The following XIST variants were observed in gnomAD, a reference collection of about 807,000 sequenced individuals.
XIST encodes X inactive specific transcript.
chrX:73,826,324 T>A (rs772544183), exon 6 of XIST: 1 of 559,035 alleles, frequency 1.8e-6, no homozygotes, highest in Non-Finnish European at 3.2e-6. Context: ...TGAAATACAG[T>A]ATCACCTATA....
chrX:73,843,491 T>C (rs1922653329), exon 1 of XIST: 1 of 556,852 alleles, frequency 1.8e-6, no homozygotes, highest in Admixed American at 2.2e-5. Context: ...AATACAATTA[T>C]GACATTAATA....
Position 73,842,742 on chromosome X carries a change from T to A in XIST, n.9982A>T, listed in dbSNP as rs746619973. The A allele has an allele frequency of 7.2e-6, 4 of 556,221 alleles. No individual in the cohort carries two copies. In the Admixed American group the frequency reaches 8.9e-5, roughly 12 times the overall value. The allele number at this position is 556,221 out of a possible 1,213,427, so 45.8% of individuals were successfully genotyped here. The stretch of plus-strand genomic sequence containing the variant: ...GGACCAAGGAAAGTGCAACTGAGAA[T>A]TGTTTAAGTCCAAGAGAAAGGGCCT... On this transcript the variant is annotated non_coding_transcript_exon_variant, in exon 1 of 6. Transcript: ENST00000429829.
chrX:73,844,531 T>C (rs780817291), exon 1 of XIST: 1 of 557,475 alleles, frequency 1.8e-6, no homozygotes, highest in East Asian at 3.3e-5. Flanking sequence ...TGCACATAAA[T>C]TTCCAAGATG....
intron 1 of XIST, among the ~76,000 whole-genome samples, chrX:73,839,007 GTTTC>G (rs1421265371): frequency 6.3e-5 from 7 of 111,714 alleles, no homozygotes; most frequent in Non-Finnish European, 1.1e-4. Context: ...ATAATCATTA[GTTTC>G]TTTCTCTTTA....
intron 3 of XIST, among the ~76,000 whole-genome samples, chrX:73,832,199 T>A (rs1176098922): frequency 3.6e-5 from 4 of 110,985 alleles, no homozygotes; most frequent in Non-Finnish European, 7.6e-5. Flanking sequence ...CCTGGCGTGG[T>A]CGCGCATGCC....
exon 6 of XIST, chrX:73,825,995 T>G (rs1922242819): frequency 1.8e-6 from 1 of 558,977 alleles, no homozygotes; most frequent in African/African-American, 2.2e-5. Context: ...CACCAAATTA[T>G]TTGGCCACTA....
chrX:73,827,823 T>C (rs771552324), exon 6 of XIST: 1 of 529,974 alleles, frequency 1.9e-6, no homozygotes, highest in African/African-American at 2.3e-5. Context: ...ATGAGAGATA[T>C]GTCTAAGACA....
At chrX:73,826,678 C>T (rs1301811578) in exon 6 of XIST, 1 of 559,236 alleles carries the variant, frequency 1.8e-6, no homozygotes, top group East Asian at 3.2e-5. Context: ...CTTCAAGCTT[C>T]TATCCTTCCT....
At chrX:73,821,218 G>C (rs745551709) in exon 6 of XIST, 3 of 556,823 alleles carry the variant, frequency 5.4e-6, no homozygotes, top group Non-Finnish European at 9.7e-6. Flanking sequence ...TTCAACCCCA[G>C]ATTATCTTCA....
Position 73,822,008 on chromosome X carries a change from T to A in XIST, n.17893A>T, listed in dbSNP as rs867251610. The A allele has an allele frequency of 7.2e-6, 4 of 558,627 alleles. No individual in the cohort carries two copies. The Admixed American group carries it at 8.9e-5, about 12-fold the overall frequency. The allele number at this position is 558,627 out of a possible 1,213,427, so 46.0% of individuals were successfully genotyped here. ...ATCTGAGGATTGTTTCTGAAAGAGA[T>A]CTATTTAGGCAGTGTATGTATGTGT... On this transcript the variant is annotated non_coding_transcript_exon_variant, in exon 6 of 6. Transcript: ENST00000429829.
At chrX:73,821,239 C>T (rs992653372) in exon 6 of XIST, 1 of 555,696 alleles carries the variant, frequency 1.8e-6, no homozygotes, top group African/African-American at 2.2e-5. Context: ...ACCTTGCTCC[C>T]TCCACCAATC....
At chrX:73,852,620 G>A (rs926708829) in exon 1 of XIST, 2 of 483,461 alleles carry the variant, frequency 4.1e-6, no homozygotes, top group African/African-American at 4.9e-5. Context: ...ACGCCATAAA[G>A]GGTGTTGGGG....
exon 1 of XIST, chrX:73,845,617 C>T (rs1922733646): frequency 5.4e-6 from 3 of 557,117 alleles, no homozygotes; most frequent in Non-Finnish European, 9.7e-6. Context: ...TGATTCAGTA[C>T]CCCTGCTGTA....
chrX:73,832,472 G>A (rs931461676), intron 3 of XIST, among the ~76,000 whole-genome samples: 5 of 111,692 alleles, frequency 4.5e-5, no homozygotes, highest in Non-Finnish European at 9.4e-5. Flanking sequence ...AATTTCAATT[G>A]TTTTTCAAGC....
In XIST at chrX:73,845,057, G is replaced by A. The variant is rs1922707349; in HGVS notation, n.7667C>T. The A allele has an allele frequency of 7.2e-6, 4 of 555,388 alleles. No individual in the cohort carries two copies. In the African/African-American group the frequency reaches 9.1e-5, roughly 13 times the overall value. The allele number at this position is 555,388 out of a possible 1,213,427, so 45.8% of individuals were successfully genotyped here. The stretch of plus-strand genomic sequence containing the variant: ...CAGCACACCTACTGTACTGCAAAAG[G>A]GGTCTGAGAGTAGGACCTTATTCAG... On this transcript the variant is annotated non_coding_transcript_exon_variant, in exon 1 of 6. Coordinates refer to ENST00000429829, the Ensembl canonical transcript of XIST.
chrX:73,841,726 C>T lies in XIST; in HGVS notation n.10998G>A, dbSNP rs763757499. ...CGTCTTATCATTTTTAAGTCCTCAC[C>T]TCAGTGTGGTACTTCAAACTACTTC... On this transcript the variant is annotated non_coding_transcript_exon_variant, in exon 1 of 6. Coordinates refer to ENST00000429829, the Ensembl canonical transcript of XIST. The T allele has an allele frequency of 5.5e-5, 28 of 511,342 alleles. No individual in the cohort carries two copies. In the South Asian group the frequency reaches 6.8e-4, roughly 12 times the overall value. 42.1% of individuals were successfully genotyped at this position (511,342 alleles called of 1,213,427 possible). A position where few individuals can be genotyped will look rare whatever the true frequency, so the allele number is the denominator to read the frequency against.
At chrX:73,824,406 T>C (rs926129688) in exon 6 of XIST, 5 of 551,771 alleles carry the variant, frequency 9.1e-6, no homozygotes, top group African/African-American at 4.5e-5. Context: ...TATGGTGCCT[T>C]AGAGTTCACA....
chrX:73,827,532 G>A (rs1922287904), exon 6 of XIST: 1 of 540,443 alleles, frequency 1.9e-6, no homozygotes, highest in Non-Finnish European at 3.3e-6. Context: ...GAGGCAGAAA[G>A]GAAATGCAGA....
At position 73,833,222 on chromosome X, in the gene XIST, A is replaced by C. The variant is rs368210277; in HGVS notation, n.11543+16T>G. On this transcript the variant is annotated intron_variant and non_coding_transcript_variant, in intron 3 of 5. Transcript: ENST00000429829. ...CCAAAGACAGAAGCACTACAACAAT[A>C]AATTCCCCAAACTACCTTTTTCTCC... 74 of 553,451 alleles carry C rather than the reference A, an allele frequency of 1.3e-4. No homozygotes were observed. In the African/African-American group the frequency reaches 1.6e-3, roughly 12 times the overall value. 45.6% of individuals were successfully genotyped at this position (553,451 alleles called of 1,213,427 possible).
Sources: allele counts gnomAD v4.1 joint callset (sites outside exome capture counted in the v4.1 genomes callset), GRCh38; gene constraint gnomAD v4.1.1; transcripts MANE v1.5; gene names NCBI Gene and HGNC (gene_info 2026-07-23, HGNC 2026-07-21).